Variants in GRM5 observed in about 807,000 individuals in gnomAD.
GRM5 encodes the protein metabotropic glutamate receptor 5.
In GRM5, 19 loss-of-function variants were observed where a neutral mutation model predicts 83.1. The observed-to-expected ratio is 0.23, with a 90% CI of 0.16 to 0.34. The LOEUF (loss-of-function observed/expected upper bound fraction) is 0.34, where lower values mean the gene tolerates loss of function less well. Among genes scored for constraint, GRM5 ranks in the 10% least tolerant of loss-of-function variants. GRM5 has a pLI of 1.00. For missense variants in GRM5, 1,160 were observed against 1,588.3 expected (o/e 0.73, Z 4.58); for synonymous variants, 675 against 633.6 (o/e 1.07, Z -0.98).
chr11:88,535,426 G>C (rs1942111731), intron 8 of GRM5, among the ~76,000 whole-genome samples: 1 of 152,156 alleles, frequency 6.6e-6, no homozygotes, highest in African/African-American at 2.4e-5. Flanking sequence ...CAACCATATG[G>C]CAGGCATGAG....
At chr11:89,024,211 C>T (rs1450945008) in intron 2 of GRM5, among the ~76,000 whole-genome samples, 1 of 152,152 alleles carries the variant, frequency 6.6e-6, no homozygotes, top group Non-Finnish European at 1.5e-5. Flanking sequence ...GAGACTCTAT[C>T]TTAATAAATA....
intron 4 of GRM5, among the ~76,000 whole-genome samples, chr11:88,623,838 C>T (rs10831171): frequency 0.81 from 123,652 of 152,186 alleles, 50,451 homozygotes; most frequent in South Asian, 0.92. Flanking sequence ...ACTTGGTCTT[C>T]TAGCTACTAG....
intron 2 of GRM5, among the ~76,000 whole-genome samples, chr11:88,944,571 T>G (rs1938213647): frequency 1.3e-5 from 2 of 151,902 alleles, no homozygotes; most frequent in Admixed American, 1.3e-4. Context: ...TGACTCAATT[T>G]TATTAACTAT....
At chr11:88,710,831 G>A (rs1941265678) in intron 3 of GRM5, among the ~76,000 whole-genome samples, 1 of 151,992 alleles carries the variant, frequency 6.6e-6, no homozygotes, top group South Asian at 2.1e-4. Flanking sequence ...GTGCATCCAA[G>A]TTTGAGGATT....
intron 1 of GRM5, among the ~76,000 whole-genome samples, chr11:89,057,011 T>G (rs1258279284): frequency 6.7e-6 from 1 of 150,350 alleles, no homozygotes; most frequent in African/African-American, 2.4e-5. Context: ...TGCCATAAAT[T>G]GCAATCTACA....
intron 2 of GRM5, among the ~76,000 whole-genome samples, chr11:89,036,152 C>T (rs1941379415): frequency 6.6e-6 from 1 of 152,012 alleles, no homozygotes; most frequent in Admixed American, 6.6e-5. Context: ...CAAAGATAAC[C>T]ATGTTCACAG....
chr11:88,833,179 C>A (rs888078514), intron 3 of GRM5, among the ~76,000 whole-genome samples: 1 of 151,908 alleles, frequency 6.6e-6, no homozygotes, highest in Admixed American at 6.6e-5. Flanking sequence ...AAGAGATAAC[C>A]TGTTGAATGG....
chr11:88,729,909 C>T (rs1272609747), intron 3 of GRM5, among the ~76,000 whole-genome samples: 1 of 152,122 alleles, frequency 6.6e-6, no homozygotes, highest in African/African-American at 2.4e-5. Context: ...AAATGTAAGA[C>T]CTAAAATCAT....
chr11:88,987,987 G>A (rs1939795114), intron 2 of GRM5, among the ~76,000 whole-genome samples: 2 of 151,436 alleles, frequency 1.3e-5, no homozygotes, highest in South Asian at 4.2e-4. Flanking sequence ...TTCCTCACCA[G>A]CAACGGAACA....
At position 88,504,756 on chromosome 11, in the gene GRM5, C is replaced by T. The variant is rs979926989; in HGVS notation, c.*3836G>A. On this transcript the variant is annotated 3_prime_UTR_variant, in exon 10 of 10. Coordinates refer to ENST00000305447, the MANE Select transcript of GRM5 (RefSeq NM_001143831.3). ...AATGTTAAACTTTATGAAAAAAAAT[C>T]ATTTGCAGTTCACATCAAAATAATT... The T allele has an allele frequency of 2.0e-5, 3 of 151,956 alleles. No individual in the cohort carries two copies. Among genetic ancestry groups the T allele is most frequent in the African/African-American group, 4.8e-5 (2 of 41,384 alleles). 9.4% of individuals were successfully genotyped at this position (151,956 alleles called of 1,614,324 possible). A position where few individuals can be genotyped will look rare whatever the true frequency, so the allele number is the denominator to read the frequency against.
rs374658944 is a variant in GRM5, at chr11:88,877,145, T to C, written c.662-26990A>G. On this transcript the variant is annotated intron_variant, in intron 2 of 9. Transcript: ENST00000305447. ...TAGATAGGAGGAATGAGTTCTGGTG[T>C]TTTATTGCACAGTAGTGTGACTATA... is the stretch of plus-strand genomic sequence containing the variant. Among the ~76,000 whole-genome samples, 75 of 152,136 alleles carry C rather than the reference T, an allele frequency of 4.9e-4. 1 individual carries two copies. Among genetic ancestry groups the C allele is most frequent in the African/African-American group, 1.8e-3 (74 of 41,524 alleles).
chr11:88,988,817 C>A (rs10831545), intron 2 of GRM5, among the ~76,000 whole-genome samples: 9 of 131,986 alleles, frequency 6.8e-5, no homozygotes, highest in South Asian at 2.9e-4. Context: ...TGCTGAGAGA[C>A]TTTGTCACCA....
Position 88,527,530 on chromosome 11 carries a change from G to C in GRM5, c.2631-2126C>G, listed in dbSNP as rs184941038. ...GTTCAGCCACTGTGGAAATCAGCTTGGCAATTTCTCAAAGAACTTAAAGCA... is the reference window on the plus strand; with the variant it reads ...GTTCAGCCACTGTGGAAATCAGCTTCGCAATTTCTCAAAGAACTTAAAGCA... On this transcript the variant is annotated intron_variant, in intron 8 of 9. Coordinates refer to ENST00000305447, the MANE Select transcript of GRM5 (RefSeq NM_001143831.3). Among the ~76,000 whole-genome samples, 296 of 152,144 alleles carry C rather than the reference G, an allele frequency of 1.9e-3. 4 individuals are homozygous for C. Among genetic ancestry groups the C allele is most frequent in the Middle Eastern group, 3.4e-3 (1 of 294 alleles).
intron 2 of GRM5, among the ~76,000 whole-genome samples, chr11:89,026,506 A>T (rs564730135): frequency 7.9e-5 from 12 of 152,350 alleles, no homozygotes; most frequent in African/African-American, 2.2e-4. Context: ...AGTGAGAAAC[A>T]TCTAAAATAA....
intron 7 of GRM5, among the ~76,000 whole-genome samples, chr11:88,576,456 A>G (rs1359389815): frequency 6.6e-6 from 1 of 152,220 alleles, no homozygotes; most frequent in Admixed American, 6.5e-5. Flanking sequence ...CACAATAGGC[A>G]GTTAAATAAG....
At chr11:88,923,794 CA>C (rs1413383219) in intron 2 of GRM5, among the ~76,000 whole-genome samples, 13 of 150,930 alleles carry the variant, frequency 8.6e-5, no homozygotes, top group Non-Finnish European at 1.6e-4. Context: ...ATCCATGTAT[CA>C]AAATATCTCA....
At chr11:88,664,987 T>C (rs1940003234) in intron 3 of GRM5, among the ~76,000 whole-genome samples, 1 of 152,142 alleles carries the variant, frequency 6.6e-6, no homozygotes, top group Non-Finnish European at 1.5e-5. Flanking sequence ...ATGAGGCAAC[T>C]GTAGCTTGCA....
At chr11:88,950,903 G>T (rs1851046071) in intron 2 of GRM5, among the ~76,000 whole-genome samples, 1 of 152,210 alleles carries the variant, frequency 6.6e-6, no homozygotes, top group Non-Finnish European at 1.5e-5. Flanking sequence ...ACTTGTGAGA[G>T]AAATTGTAAA....
intron 3 of GRM5, among the ~76,000 whole-genome samples, chr11:88,828,706 T>G (rs1943935541): frequency 6.6e-6 from 1 of 152,090 alleles, no homozygotes; most frequent in Non-Finnish European, 1.5e-5. Context: ...TTGACTCAGA[T>G]ACTTTGTGTT....
Sources: allele counts gnomAD v4.1 joint callset (sites outside exome capture counted in the v4.1 genomes callset), GRCh38; gene constraint gnomAD v4.1.1; transcripts MANE v1.5; gene names NCBI Gene and HGNC (gene_info 2026-07-23, HGNC 2026-07-21).